The following GMEB2 variants were observed in gnomAD, a reference collection of about 807,000 sequenced individuals.
GMEB2 encodes glucocorticoid modulatory element-binding protein 2.
Under a neutral mutation model 45.7 loss-of-function variants are expected in GMEB2, and 7 were observed. The ratio of observed to expected loss-of-function variants is 0.15; its 90% CI spans 0.09 to 0.29. The LOEUF is 0.29. Among genes scored for constraint, GMEB2 ranks in the 10% least tolerant of loss-of-function variants. The pLI, the probability that GMEB2 is intolerant of heterozygous loss-of-function variation, is 1.00. For synonymous variants in GMEB2, 322 were observed against 323.6 expected, an observed-to-expected ratio of 1.00 and a Z score of 0.05; for missense variants, 582 against 739.2, an observed-to-expected ratio of 0.79 and a Z score of 2.47.
At chr20:63,623,697 C>A (rs971813859) in intron 1 of GMEB2, among the ~76,000 whole-genome samples, 9 of 151,906 alleles carry the variant, frequency 5.9e-5, no homozygotes, top group Non-Finnish European at 8.8e-5. Flanking sequence ...ACTTGGGAGG[C>A]TGAGGCAGGA....
At chr20:63,610,438 G>A (rs1215420616) in intron 2 of GMEB2, among the ~76,000 whole-genome samples, 5 of 152,088 alleles carry the variant, frequency 3.3e-5, no homozygotes, top group South Asian at 2.1e-4. Context: ...AGAGAATGGC[G>A]TGAACCCGGG....
chr20:63,617,522 C>A (rs1436873169), intron 2 of GMEB2, among the ~76,000 whole-genome samples: 4 of 152,168 alleles, frequency 2.6e-5, no homozygotes, highest in African/African-American at 4.8e-5. Context: ...GGGAGTCAGA[C>A]CAGATCAGGA....
chr20:63,595,548 T>G, intron 6 of GMEB2, 62 bp downstream of exon 6: 2 of 1,471,852 alleles, frequency 1.4e-6, no homozygotes, highest in Non-Finnish European at 1.8e-6. Flanking sequence ...CAGGGGCATG[T>G]CACCCTCTGT....
rs909529573 is a variant in GMEB2 at position 63,592,865 on chromosome 20, G to A, written c.691+146C>T. 18 of 718,584 alleles carry A rather than the reference G, an allele frequency of 2.5e-5. No individual in the cohort carries two copies. The highest frequency in any genetic ancestry group is 2.3e-4 in the Admixed American group (10 of 43,798). 44.5% of individuals were successfully genotyped at this position (718,584 alleles called of 1,614,324 possible). ...AGCAGGTCAGCCTCAGAGCGCCCAC[G>A]ACAATGCTGCTGGAACCAGGCCTTT... On this transcript the variant is annotated intron_variant, in intron 7 of 9. Transcript: ENST00000370077. This position sits in a 1 kb window ranked among gnomAD's most constrained non-coding sequence, Gnocchi z 8.2.
intron 3 of GMEB2, 75 bp downstream of exon 3, chr20:63,604,668 C>A: frequency 1.2e-6 from 1 of 852,986 alleles, no homozygotes; most frequent in Admixed American, 1.7e-5. Flanking sequence ...CTGGCTGTTC[C>A]TCATTTTGAG....
intron 4 of GMEB2, among the ~76,000 whole-genome samples, chr20:63,599,640 C>T (rs1171093940): frequency 6.6e-6 from 1 of 152,242 alleles, no homozygotes; most frequent in Admixed American, 6.5e-5. Context: ...CCTGGCTAGA[C>T]TGAGGATCTT....
chr20:63,607,230 C>G (rs1273210710), intron 2 of GMEB2, among the ~76,000 whole-genome samples: 10 of 139,286 alleles, frequency 7.2e-5, no homozygotes, highest in South Asian at 2.3e-4. Flanking sequence ...ACATGCCCCT[C>G]TGACCCACCT....
rs2089506498 is a variant in GMEB2, at chr20:63,604,845, T to G, written c.132-5A>C. 1 of 1,553,150 alleles carries G rather than the reference T, an allele frequency of 6.4e-7. No homozygotes were observed. The highest frequency in any genetic ancestry group is 8.9e-7 in the Non-Finnish European group (1 of 1,124,372). On this transcript the variant is annotated splice_region_variant and splice_polypyrimidine_tract_variant and intron_variant, in intron 2 of 9. Coordinates refer to ENST00000370077, the MANE Select transcript of GMEB2 (RefSeq NM_012384.5). ...TTATCTTCCGTCAGGTCGCCCCTGG[T>G]GAAGTGAAGGGAGGAGAGAATAGAA... is the stretch of plus-strand genomic sequence containing the variant.
At chr20:63,594,784 T>C (rs553991612) in intron 6 of GMEB2, among the ~76,000 whole-genome samples, 108 of 152,322 alleles carry the variant, frequency 7.1e-4, no homozygotes, top group African/African-American at 2.6e-3. Flanking sequence ...AATCTCACAC[T>C]GTCGCCCAGG....
At position 63,590,033 on chromosome 20, in the gene GMEB2, C is replaced by G; in HGVS notation, c.*56G>C. On this transcript the variant is annotated 3_prime_UTR_variant, in exon 10 of 10. Transcript: ENST00000370077. Reference sequence around the variant, plus strand: ...TGCGGCCTCTGCCCGCTCCCTGCTGCCGCGGCTGAGAGACAGCCAGCCCTG... The same window carrying G: ...TGCGGCCTCTGCCCGCTCCCTGCTGGCGCGGCTGAGAGACAGCCAGCCCTG... 6.9e-7 allele frequency: 1 copy of G among 1,449,764 alleles called. No individual in the cohort carries two copies. Among genetic ancestry groups the G allele is most frequent in the Non-Finnish European group, 9.1e-7 (1 of 1,096,800 alleles). The allele number at this position is 1,449,764 out of a possible 1,614,324, so 89.8% of individuals were successfully genotyped here.
chr20:63,590,772 T>C lies in GMEB2; in HGVS notation c.953-43A>G, dbSNP rs778042621. 1.2e-5 allele frequency: 16 copies of C among 1,307,742 alleles called. 1 individual carries two copies. In the South Asian group the frequency reaches 2.3e-4, roughly 19 times the overall value. The allele number at this position is 1,307,742 out of a possible 1,614,324, so 81.0% of individuals were successfully genotyped here. On this transcript the variant is annotated intron_variant, in intron 9 of 9. Transcript: ENST00000370077. ...TGGCATCACACAGGGGACGGGGGCA[T>C]GGATGGCGGCATGCAGGGGATGGGG...
At chr20:63,607,637 C>G (rs868422112) in intron 2 of GMEB2, among the ~76,000 whole-genome samples, 7 of 14,520 alleles carry the variant, frequency 4.8e-4, no homozygotes, top group African/African-American at 1.2e-3. Context: ...ACATGCCCCT[C>G]TGACCCCACA....
intron 2 of GMEB2, among the ~76,000 whole-genome samples, chr20:63,618,112 G>A (rs1472216742): frequency 1.3e-5 from 2 of 152,254 alleles, no homozygotes; most frequent in South Asian, 2.1e-4. Context: ...GTGGGGAGGT[G>A]TGGGGTGGGA....
chr20:63,614,547 A>G (rs2146086642), intron 2 of GMEB2, among the ~76,000 whole-genome samples: 1 of 152,292 alleles, frequency 6.6e-6, no homozygotes, highest in East Asian at 1.9e-4. Flanking sequence ...GGGAGTTTAG[A>G]GAAGACTCTA....
In GMEB2 at chr20:63,619,250, C is replaced by A; in HGVS notation, c.131+17G>T. 6.3e-7 allele frequency: 1 copy of A among 1,598,458 alleles called. No individual in the cohort carries two copies. The highest frequency in any genetic ancestry group is 1.1e-5 in the South Asian group (1 of 89,408). On this transcript the variant is annotated intron_variant, in intron 2 of 9. Coordinates refer to ENST00000370077, the MANE Select transcript of GMEB2 (RefSeq NM_012384.5). This position sits in a 1 kb window ranked among gnomAD's most constrained non-coding sequence, Gnocchi z 4.6. ...CAAGCCCCCATCAGCCCCAATGGCA[C>A]CGAGGCCCGAGCTTACCCGTGAGGG...
At chr20:63,618,224 A>G (rs2089622812) in intron 2 of GMEB2, among the ~76,000 whole-genome samples, 1 of 152,214 alleles carries the variant, frequency 6.6e-6, no homozygotes, top group Non-Finnish European at 1.5e-5. Flanking sequence ...ACATCCAGCT[A>G]GCAGGTCCCA....
At position 63,595,772 on chromosome 20, in the gene GMEB2, G is replaced by C. The variant is rs1429580309; in HGVS notation, c.462-5C>G. ...TCCCCGGAGTCCATGATCTTCCTGTGACAGACAGTGGCATGGAGCGTCCAG... is the reference window on the plus strand; with the variant it reads ...TCCCCGGAGTCCATGATCTTCCTGTCACAGACAGTGGCATGGAGCGTCCAG... On this transcript the variant is annotated splice_region_variant and splice_polypyrimidine_tract_variant and intron_variant, in intron 5 of 9. Coordinates refer to ENST00000370077, the MANE Select transcript of GMEB2 (RefSeq NM_012384.5). 2.5e-6 allele frequency: 4 copies of C among 1,613,758 alleles called. No homozygotes were observed. The highest frequency in any genetic ancestry group is 3.4e-6 in the Non-Finnish European group (4 of 1,179,710).
chr20:63,590,074 T>C lies in GMEB2; in HGVS notation c.*15A>G. On this transcript the variant is annotated 3_prime_UTR_variant, in exon 10 of 10. Coordinates refer to ENST00000370077, the MANE Select transcript of GMEB2 (RefSeq NM_012384.5). ...GCCAGCCCTGTCCGTCCCAGGGGCCTCGCCCTCCTGTCGGCTACTTCCGCT... is the reference window on the plus strand; with the variant it reads ...GCCAGCCCTGTCCGTCCCAGGGGCCCCGCCCTCCTGTCGGCTACTTCCGCT... 6.7e-7 allele frequency: 1 copy of C among 1,498,026 alleles called. No individual in the cohort carries two copies. The allele number at this position is 1,498,026 out of a possible 1,614,324, so 92.8% of individuals were successfully genotyped here.
At chr20:63,606,871 C>T (rs1366904886) in intron 2 of GMEB2, among the ~76,000 whole-genome samples, 1 of 152,270 alleles carries the variant, frequency 6.6e-6, no homozygotes, top group East Asian at 1.9e-4. Context: ...GTACATGAGG[C>T]CACTTTCCCC....
Sources: allele counts gnomAD v4.1 joint callset (sites outside exome capture counted in the v4.1 genomes callset), GRCh38; gene constraint gnomAD v4.1.1; non-coding constraint Gnocchi (gnomAD v3.1); transcripts MANE v1.5; gene names NCBI Gene and HGNC (gene_info 2026-07-23, HGNC 2026-07-21).